PRKAR1B: variants seen among roughly 807,000 people sequenced by gnomAD.
The protein encoded by PRKAR1B is cAMP-dependent protein kinase type I-beta regulatory subunit.
A neutral mutation model predicts 46.5 loss-of-function variants in PRKAR1B; 22 were observed. That is an observed-to-expected ratio of 0.47 (90% CI 0.34 to 0.68). The LOEUF is 0.68. PRKAR1B is among the 30% of genes least tolerant of loss of function. The pLI is 0.01. For synonymous variants in PRKAR1B, 259 were observed against 217.7 expected (o/e 1.19, Z -1.67); for missense variants, 445 against 535.6 (o/e 0.83, Z 1.67).
At chr7:726,941 C>G in intron 1 of PRKAR1B, 2 of 1,339,078 alleles carry the variant, frequency 1.5e-6, no homozygotes, top group South Asian at 1.7e-5. Context: ...GGCCCCTGGG[C>G]GCGCCTACTG....
chr7:660,576 G>A (rs1485538712), intron 4 of PRKAR1B, among the ~76,000 whole-genome samples: 4 of 67,534 alleles, frequency 5.9e-5, no homozygotes, highest in Non-Finnish European at 8.0e-5. Flanking sequence ...TCCCCCCCAT[G>A]GCACAGGTCC....
intron 4 of PRKAR1B, among the ~76,000 whole-genome samples, chr7:656,391 A>G (rs150318735): frequency 1.1e-3 from 173 of 152,250 alleles, no homozygotes; most frequent in African/African-American, 3.9e-3. Context: ...CTAGATGAAT[A>G]GATGAAGAAA....
intron 3 of PRKAR1B, 124 bp downstream of exon 3, chr7:680,432 C>G: frequency 2.9e-6 from 3 of 1,020,846 alleles, no homozygotes; most frequent in Non-Finnish European, 4.1e-6. Context: ...AGTCCTCCCT[C>G]CAACCAGGAT....
At chr7:696,283 T>A (rs868006208) in intron 2 of PRKAR1B, among the ~76,000 whole-genome samples, 3 of 145,014 alleles carry the variant, frequency 2.1e-5, no homozygotes, top group South Asian at 2.2e-4. Flanking sequence ...TTTTTTTTTT[T>A]AAAGAAAGAT....
rs1562519255 is a variant in PRKAR1B at position 560,952 on chromosome 7, T to G, written c.892-9482A>C. ...CTCACTCCAGTGCCTTTACGTTTCC[T>G]GTGCACACATTTCCTGCCTGTGTGC... On this transcript the variant is annotated intron_variant, in intron 9 of 10. Coordinates refer to ENST00000537384, the MANE Select transcript of PRKAR1B (RefSeq NM_001164760.2). This position sits in a 1 kb window ranked among gnomAD's most constrained non-coding sequence, Gnocchi z 4.2. Among the ~76,000 whole-genome samples, 2 of 152,234 alleles carry G rather than the reference T, an allele frequency of 1.3e-5. No individual in the cohort carries two copies. The highest frequency in any genetic ancestry group is 3.8e-4 in the East Asian group (2 of 5,198).
At chr7:577,001 C>T (rs950912439) in intron 9 of PRKAR1B, among the ~76,000 whole-genome samples, 2 of 149,086 alleles carry the variant, frequency 1.3e-5, no homozygotes, top group African/African-American at 5.1e-5. Context: ...CGGCCTCATC[C>T]AACTCCATCA....
intron 4 of PRKAR1B, among the ~76,000 whole-genome samples, chr7:634,243 C>T (rs1783916069): frequency 6.6e-6 from 1 of 151,928 alleles, no homozygotes; most frequent in Admixed American, 6.6e-5. Flanking sequence ...AGGCTGGTCT[C>T]GAACTCCTGA....
At chr7:554,147 G>A (rs940689315) in intron 9 of PRKAR1B, among the ~76,000 whole-genome samples, 28 of 152,244 alleles carry the variant, frequency 1.8e-4, no homozygotes, top group South Asian at 6.2e-4. Flanking sequence ...GGCAGATGGC[G>A]GAGGGTGAAA....
chr7:614,064 A>C (rs1782671428), intron 4 of PRKAR1B, among the ~76,000 whole-genome samples: 1 of 152,168 alleles, frequency 6.6e-6, no homozygotes, highest in African/African-American at 2.4e-5. Context: ...GCGCCCACAG[A>C]GGGGAGGGGA....
At chr7:553,437 T>C (rs1784374296) in intron 9 of PRKAR1B, among the ~76,000 whole-genome samples, 1 of 152,160 alleles carries the variant, frequency 6.6e-6, no homozygotes, top group African/African-American at 2.4e-5. Flanking sequence ...GTGCAGCACC[T>C]GCGTGAGGAA....
chr7:717,145 G>C (rs1440209400), intron 1 of PRKAR1B, among the ~76,000 whole-genome samples: 2 of 151,834 alleles, frequency 1.3e-5, no homozygotes, highest in East Asian at 3.9e-4. Context: ...ACAAAAATTA[G>C]CCAGGTGTGG....
chr7:726,929 A>G, intron 1 of PRKAR1B: 1 of 1,347,268 alleles, frequency 7.4e-7, no homozygotes, highest in Non-Finnish European at 9.6e-7. Flanking sequence ...ACCGCTTTCC[A>G]GGGCCCCTGG....
At chr7:568,748 G>A (rs941082755) in intron 9 of PRKAR1B, among the ~76,000 whole-genome samples, 2 of 152,216 alleles carry the variant, frequency 1.3e-5, no homozygotes, top group African/African-American at 4.8e-5. Flanking sequence ...CCGTCTTTAC[G>A]GCAATAGTCT....
chr7:698,120 C>T (rs80303114), intron 2 of PRKAR1B, among the ~76,000 whole-genome samples: 3,744 of 145,618 alleles, frequency 0.026, 277 homozygotes, highest in African/African-American at 0.089. Context: ...AATTAACAGG[C>T]TGGGCAGGGC....
At chr7:658,113 A>T (rs1366782335) in intron 4 of PRKAR1B, among the ~76,000 whole-genome samples, 1 of 152,104 alleles carries the variant, frequency 6.6e-6, no homozygotes, top group Non-Finnish European at 1.5e-5. Context: ...CAGTGATGTG[A>T]TTATGAAGAC....
At chr7:668,768 C>T (rs1316782000) in intron 4 of PRKAR1B, among the ~76,000 whole-genome samples, 3 of 152,098 alleles carry the variant, frequency 2.0e-5, no homozygotes. Context: ...TCCAGGCTGG[C>T]CCTAAAATAA....
At chr7:727,173 G>A in intron 1 of PRKAR1B, 37 bp downstream of exon 1, 1 of 1,325,376 alleles carries the variant, frequency 7.5e-7, no homozygotes, top group South Asian at 1.7e-5. Flanking sequence ...TGCTGGGCCT[G>A]GCCGTGGACC....
intron 8 of PRKAR1B, among the ~76,000 whole-genome samples, chr7:580,635 T>C (rs1179250342): frequency 1.3e-5 from 2 of 152,070 alleles, no homozygotes; most frequent in South Asian, 2.1e-4. Flanking sequence ...TCACAAGGTC[T>C]TCCCTTCCCT....
chr7:723,484 G>A (rs146818482), intron 1 of PRKAR1B, among the ~76,000 whole-genome samples: 271 of 152,324 alleles, frequency 1.8e-3, no homozygotes, highest in African/African-American at 6.3e-3. Context: ...CAGCCCGTCT[G>A]TCAACTCTCA....
Sources: gnomAD v4.1 joint callset for allele counts (sites outside exome capture counted in the v4.1 genomes callset) on GRCh38, gnomAD v4.1.1 for gene constraint, Gnocchi (gnomAD v3.1) non-coding constraint, MANE v1.5 for transcripts, NCBI Gene and HGNC (gene_info 2026-07-23, HGNC 2026-07-21) for gene names.